The following NR2F1-AS1 variants were observed in gnomAD, a reference collection of about 807,000 sequenced individuals.
NR2F1-AS1 encodes the protein NR2F1 antisense RNA 1.
upstream of NR2F1-AS1, among the ~76,000 whole-genome samples, chr5:93,582,767 C>T (rs1207125699): frequency 2.5e-5 from 2 of 80,846 alleles, no homozygotes; most frequent in Non-Finnish European, 4.7e-5. Flanking sequence ...GGGGTGTGAG[C>T]GTAAGTGTGT....
intron 4 of NR2F1-AS1, among the ~76,000 whole-genome samples, chr5:93,477,690 G>A (rs1006816551): frequency 5.3e-5 from 8 of 152,182 alleles, no homozygotes; most frequent in Non-Finnish European, 8.8e-5. Flanking sequence ...CAATGAGAGA[G>A]AGAGGCAGCT....
At chr5:93,580,698 G>A (rs1250026295) in exon 1 of NR2F1-AS1, 1 of 152,852 alleles carries the variant, frequency 6.5e-6, no homozygotes. Context: ...CTGACTGTAT[G>A]GGGAGTACGA....
At chr5:93,473,790 T>C (rs1419282759) in intron 4 of NR2F1-AS1, among the ~76,000 whole-genome samples, 1 of 151,790 alleles carries the variant, frequency 6.6e-6, no homozygotes, top group East Asian at 1.9e-4. Context: ...TTCTGGAAAG[T>C]AGACCTTGCT....
chr5:93,516,726 C>T (rs1056382304), intron 4 of NR2F1-AS1, among the ~76,000 whole-genome samples: 1 of 151,824 alleles, frequency 6.6e-6, no homozygotes, highest in Admixed American at 6.6e-5. Context: ...GTACCACAAA[C>T]AGTAATGTAA....
chr5:93,420,526 G>A (rs996617025), intron 4 of NR2F1-AS1, among the ~76,000 whole-genome samples: 1 of 152,158 alleles, frequency 6.6e-6, no homozygotes, highest in Non-Finnish European at 1.5e-5. Flanking sequence ...CTGCAGAGTA[G>A]ACAAGTCAAG....
chr5:93,531,678 A>C (rs1398697453), intron 4 of NR2F1-AS1, among the ~76,000 whole-genome samples: 1 of 152,178 alleles, frequency 6.6e-6, no homozygotes, highest in Non-Finnish European at 1.5e-5. Flanking sequence ...AAGAATTTCC[A>C]GTGCCTCACA....
chr5:93,501,716 CATT>C (rs1370258507), intron 4 of NR2F1-AS1, among the ~76,000 whole-genome samples: 1 of 152,106 alleles, frequency 6.6e-6, no homozygotes, highest in African/African-American at 2.4e-5. Context: ...TACATTGTAT[CATT>C]GTTGTGAACA....
At chr5:93,545,268 T>C (rs1289134451) in intron 4 of NR2F1-AS1, among the ~76,000 whole-genome samples, 1 of 152,212 alleles carries the variant, frequency 6.6e-6, no homozygotes, top group African/African-American at 2.4e-5. Context: ...GGTTTATACT[T>C]CATATTCACT....
chr5:93,585,227 G>A (rs1401241589), upstream of NR2F1-AS1: 6 of 1,551,136 alleles, frequency 3.9e-6, no homozygotes, highest in Admixed American at 1.2e-4. Flanking sequence ...GCACGGCGGG[G>A]GACAAGGGCC....
intron 4 of NR2F1-AS1, among the ~76,000 whole-genome samples, chr5:93,522,820 T>C (rs916175467): frequency 4.6e-5 from 7 of 152,204 alleles, no homozygotes; most frequent in Non-Finnish European, 1.0e-4. Flanking sequence ...GCCCAGATAC[T>C]ATGCTTTTCC....
intron 4 of NR2F1-AS1, among the ~76,000 whole-genome samples, chr5:93,493,529 C>T (rs1366139957): frequency 6.6e-6 from 1 of 151,888 alleles, no homozygotes; most frequent in Non-Finnish European, 1.5e-5. Flanking sequence ...TACAGAACCC[C>T]AAATAGCCAA....
At chr5:93,413,387 A>G (rs1748903056) in intron 4 of NR2F1-AS1, among the ~76,000 whole-genome samples, 1 of 151,962 alleles carries the variant, frequency 6.6e-6, no homozygotes, top group Admixed American at 6.6e-5. Flanking sequence ...TAAGTGGGAG[A>G]AGCTTTTAGT....
chr5:93,501,193 T>C (rs1240902373), intron 4 of NR2F1-AS1, among the ~76,000 whole-genome samples: 1 of 152,088 alleles, frequency 6.6e-6, no homozygotes. Context: ...AAAAGAACTA[T>C]AATTAGAAGT....
intron 4 of NR2F1-AS1, among the ~76,000 whole-genome samples, chr5:93,431,816 A>G (rs1749332069): frequency 6.6e-6 from 1 of 152,192 alleles, no homozygotes; most frequent in Non-Finnish European, 1.5e-5. Context: ...CTCAAAAATA[A>G]AATAACCCTC....
chr5:93,551,887 A>G (rs1205203682), intron 4 of NR2F1-AS1, among the ~76,000 whole-genome samples: 1 of 152,182 alleles, frequency 6.6e-6, no homozygotes, highest in African/African-American at 2.4e-5. Context: ...CCAAGAAACT[A>G]GTATAATTAT....
intron 4 of NR2F1-AS1, among the ~76,000 whole-genome samples, chr5:93,453,411 A>C (rs1474004130): frequency 6.6e-6 from 1 of 152,136 alleles, no homozygotes; most frequent in Non-Finnish European, 1.5e-5. Flanking sequence ...GATTTTCTAA[A>C]TTCTGTAAAA....
chr5:93,448,989 A>G (rs184881768), intron 4 of NR2F1-AS1, among the ~76,000 whole-genome samples: 4 of 152,280 alleles, frequency 2.6e-5, no homozygotes, highest in African/African-American at 9.6e-5. Flanking sequence ...CTTATTTTCT[A>G]TCAAGTATCA....
intron 4 of NR2F1-AS1, among the ~76,000 whole-genome samples, chr5:93,509,142 A>G (rs994642935): frequency 2.0e-5 from 3 of 152,170 alleles, no homozygotes; most frequent in African/African-American, 7.2e-5. Flanking sequence ...TCATATAATA[A>G]AACACTGAGA....
chr5:93,572,186 G>A (rs1314934607), intron 1 of NR2F1-AS1, among the ~76,000 whole-genome samples: 1 of 152,216 alleles, frequency 6.6e-6, no homozygotes, highest in Non-Finnish European at 1.5e-5. Flanking sequence ...GTTTCGGAGC[G>A]GTTTGCGCGC....
Sources: allele counts gnomAD v4.1 joint callset (sites outside exome capture counted in the v4.1 genomes callset), GRCh38; gene constraint gnomAD v4.1.1; transcripts MANE v1.5; gene names NCBI Gene and HGNC (gene_info 2026-07-23, HGNC 2026-07-21).